The following LY96 variants were observed in gnomAD, a reference collection of about 807,000 sequenced individuals.
LY96 encodes the protein myeloid differentiation protein-2.
In LY96, 18 loss-of-function variants were observed where a neutral mutation model predicts 18.9. The observed-to-expected ratio is 0.95, with a 90% CI of 0.66 to 1.41. The LOEUF is 1.41. Ranked by LOEUF, LY96 falls within the 40% of genes most tolerant of loss-of-function variation. The pLI is 0.00. For missense variants in LY96, 175 were observed against 182.4 expected (o/e 0.96, Z 0.23); for synonymous variants, 66 against 62.6 (o/e 1.06, Z -0.26).
the LY96 span, among the ~76,000 whole-genome samples, chr8:74,074,650 C>G: frequency 3.3e-5 from 5 of 152,124 alleles, no homozygotes; most frequent in African/African-American, 1.2e-4. Context: ...CTTATTACTG[C>G]CTTCTCTGTA....
At chr8:74,022,469 A>AC (rs1399118727) in intron 3 of LY96, among the ~76,000 whole-genome samples, 1 of 150,816 alleles carries the variant, frequency 6.6e-6, no homozygotes, top group Admixed American at 6.6e-5. Context: ...TTGAAAAACA[A>AC]AAAAAAAAGG....
At chr8:74,057,006 G>A in the LY96 span, among the ~76,000 whole-genome samples, 1 of 152,110 alleles carries the variant, frequency 6.6e-6, no homozygotes, top group Admixed American at 6.5e-5. Context: ...AGCTTTATAT[G>A]GTAGCATCAT....
the LY96 span, among the ~76,000 whole-genome samples, chr8:74,076,625 C>T: frequency 3.9e-5 from 6 of 151,974 alleles, no homozygotes; most frequent in Admixed American, 1.3e-4. Context: ...GCGCCCACCC[C>T]GAGATACTTT....
intron 1 of LY96, among the ~76,000 whole-genome samples, chr8:74,000,571 A>G (rs1037074395): frequency 6.6e-6 from 1 of 152,034 alleles, no homozygotes. Flanking sequence ...TCATGGCAAT[A>G]TGGACTTTTT....
chr8:74,093,836 A>G, the LY96 span, among the ~76,000 whole-genome samples: 1 of 152,218 alleles, frequency 6.6e-6, no homozygotes, highest in Non-Finnish European at 1.5e-5. Context: ...AATTTAAGAT[A>G]GCATATTATT....
chr8:74,045,443 G>A, the LY96 span, among the ~76,000 whole-genome samples: 2 of 152,150 alleles, frequency 1.3e-5, no homozygotes, highest in Non-Finnish European at 2.9e-5. Context: ...TAGGTCTACT[G>A]TTTAAAAAAT....
intron 1 of LY96, among the ~76,000 whole-genome samples, chr8:73,996,372 C>CCTTCCTTTCTTTCTTT (rs1816135382): frequency 2.1e-4 from 23 of 110,988 alleles, no homozygotes; most frequent in Admixed American, 4.7e-4. Context: ...TTCCTTCATT[C>CCTTCCTTTCTTTCTTT]CTTTCTTTCT....
chr8:74,096,843 C>T, the LY96 span, among the ~76,000 whole-genome samples: 2 of 152,162 alleles, frequency 1.3e-5, no homozygotes, highest in East Asian at 3.9e-4. Context: ...ACTTCTCTCT[C>T]AAGCCTTTGA....
the LY96 span, among the ~76,000 whole-genome samples, chr8:74,096,906 G>C: frequency 6.6e-6 from 1 of 152,184 alleles, no homozygotes; most frequent in African/African-American, 2.4e-5. Flanking sequence ...GAGCAAGAAT[G>C]AAGTTTCCCT....
At chr8:73,995,049 G>C (rs1326375470) in intron 1 of LY96, among the ~76,000 whole-genome samples, 2 of 152,116 alleles carry the variant, frequency 1.3e-5, no homozygotes, top group African/African-American at 2.4e-5. Context: ...AGCCATGAAG[G>C]CTCTTCTCTC....
the LY96 span, among the ~76,000 whole-genome samples, chr8:74,055,465 G>A: frequency 6.6e-6 from 1 of 152,212 alleles, no homozygotes; most frequent in South Asian, 2.1e-4. Flanking sequence ...CCAGTCATAA[G>A]GTTTTTGTGA....
At chr8:74,006,697 G>C (rs1490409669) in intron 2 of LY96, among the ~76,000 whole-genome samples, 1 of 152,124 alleles carries the variant, frequency 6.6e-6, no homozygotes, top group Non-Finnish European at 1.5e-5. Context: ...AGGCTCTACA[G>C]TTTCTTCTTT....
the LY96 span, among the ~76,000 whole-genome samples, chr8:74,039,490 G>A: frequency 6.6e-6 from 1 of 152,110 alleles, no homozygotes; most frequent in Non-Finnish European, 1.5e-5. Context: ...GCTGGGCCCG[G>A]GGGACCACTA....
downstream of LY96, among the ~76,000 whole-genome samples, chr8:74,033,073 C>T (rs1037363555): frequency 6.6e-6 from 1 of 152,136 alleles, no homozygotes; most frequent in Admixed American, 6.6e-5. Context: ...TTTACATGGG[C>T]ACCCTGGGTG....
the LY96 span, among the ~76,000 whole-genome samples, chr8:74,064,386 G>C: frequency 2.4e-4 from 37 of 152,226 alleles, no homozygotes; most frequent in African/African-American, 8.9e-4. Flanking sequence ...CATGGGAGGC[G>C]GATTCCTCAT....
At chr8:74,060,157 A>ACG in the LY96 span, among the ~76,000 whole-genome samples, 9 of 152,012 alleles carry the variant, frequency 5.9e-5, no homozygotes, top group African/African-American at 1.7e-4. Flanking sequence ...AAACAACAAC[A>ACG]ACGACGACGA....
At chr8:74,047,264 A>T in the LY96 span, among the ~76,000 whole-genome samples, 1 of 152,194 alleles carries the variant, frequency 6.6e-6, no homozygotes, top group Non-Finnish European at 1.5e-5. Context: ...CGTTTTCTGC[A>T]CTAGAGGGAC....
chr8:74,025,923 T>C (rs1404969591), intron 3 of LY96, among the ~76,000 whole-genome samples: 1 of 151,824 alleles, frequency 6.6e-6, no homozygotes, highest in East Asian at 1.9e-4. Flanking sequence ...CAGGAGAATC[T>C]CTTGAACCCG....
chr8:74,095,480 T>G, the LY96 span, among the ~76,000 whole-genome samples: 1 of 152,164 alleles, frequency 6.6e-6, no homozygotes, highest in Non-Finnish European at 1.5e-5. Flanking sequence ...ATCCTTCCTG[T>G]GGGGAAAAAC....
Sources: gnomAD v4.1 joint callset for allele counts (sites outside exome capture counted in the v4.1 genomes callset) on GRCh38, gnomAD v4.1.1 for gene constraint, MANE v1.5 for transcripts, NCBI Gene and HGNC (gene_info 2026-07-23, HGNC 2026-07-21) for gene names.